Variants in MARK3 observed in about 807,000 individuals in gnomAD.
MARK3 encodes the protein microtubule affinity regulating kinase 3, also known as MAP/microtubule affinity-regulating kinase 3.
MARK3 carries 46 observed loss-of-function variants against 90.1 expected under a neutral mutation model. The ratio of observed to expected loss-of-function variants is 0.51; its 90% CI spans 0.40 to 0.65. MARK3 has a LOEUF of 0.65. Ranked by LOEUF, MARK3 falls within the 30% of genes least tolerant of loss-of-function variation. The pLI is 0.00. For missense variants in MARK3, 818 were observed against 947.2 expected (o/e 0.86, Z 1.79); for synonymous variants, 321 against 332.6 (o/e 0.97, Z 0.38).
At chr14:103,391,909 T>C (rs2090278261) in intron 1 of MARK3, among the ~76,000 whole-genome samples, 1 of 152,094 alleles carries the variant, frequency 6.6e-6, no homozygotes, top group Non-Finnish European at 1.5e-5. Flanking sequence ...GTTTATGTTC[T>C]ATAGTTATAT....
chr14:103,386,388 C>A (rs3825566), intron 1 of MARK3: 1 of 662,084 alleles, frequency 1.5e-6, no homozygotes, highest in Non-Finnish European at 2.8e-6. Context: ...ATTGTGCAAA[C>A]GTGTGTGTCA....
intron 13 of MARK3, among the ~76,000 whole-genome samples, chr14:103,477,789 C>A (rs973936928): frequency 2.6e-5 from 4 of 151,914 alleles, no homozygotes; most frequent in African/African-American, 9.7e-5. Flanking sequence ...AGTCTGAGAT[C>A]AGCCTGGGCA....
At chr14:103,399,624 G>A (rs148435834) in intron 1 of MARK3, among the ~76,000 whole-genome samples, 107 of 151,306 alleles carry the variant, frequency 7.1e-4, no homozygotes, top group African/African-American at 2.6e-3. Flanking sequence ...GCGTGAACCC[G>A]GGAGGCGGAG....
chr14:103,418,784 A>G (rs2092072653), intron 2 of MARK3, among the ~76,000 whole-genome samples: 1 of 152,064 alleles, frequency 6.6e-6, no homozygotes, highest in East Asian at 1.9e-4. Context: ...TCTGAATACC[A>G]TTTTTGTTTT....
At chr14:103,394,397 G>T (rs2090451649) in intron 1 of MARK3, among the ~76,000 whole-genome samples, 1 of 152,124 alleles carries the variant, frequency 6.6e-6, no homozygotes, top group African/African-American at 2.4e-5. Flanking sequence ...AGAACAATTG[G>T]AAGGGCAGAA....
At position 103,478,548 on chromosome 14, in the gene MARK3, C is replaced by CT. The variant is rs755656185; in HGVS notation, c.1483-1826dup. 5.9e-3 allele frequency among the ~76,000 whole-genome samples: 856 copies of CT among 144,846 alleles called. 5 individuals are homozygous for CT. The highest frequency in any genetic ancestry group is 0.011 in the African/African-American group (429 of 39,780). ...ATTTGTAGCATGTATTTTCTTTTCC[C>CT]TTTTTTTTTTTTTGAGATGGCATTT... On this transcript the variant is annotated intron_variant, in intron 13 of 17. Coordinates refer to ENST00000429436, the MANE Select transcript of MARK3 (RefSeq NM_001128918.3).
At chr14:103,400,766 G>C (rs1232843328) in intron 1 of MARK3, among the ~76,000 whole-genome samples, 3 of 151,722 alleles carry the variant, frequency 2.0e-5, no homozygotes, top group Admixed American at 6.6e-5. Context: ...TGTGGTGTAC[G>C]CACCTGTAGT....
Position 103,405,062 on chromosome 14 carries a change from A to G in MARK3, c.52-14A>G. 1 of 1,606,506 alleles carries G rather than the reference A, an allele frequency of 6.2e-7. No individual in the cohort carries two copies. The highest frequency in any genetic ancestry group is 1.3e-5 in the African/African-American group (1 of 74,612). On this transcript the variant is annotated splice_polypyrimidine_tract_variant and intron_variant, in intron 1 of 17. Transcript: ENST00000429436. ...TTCTCTCATTTCCTTATCTTTGTGT[A>G]TGCTGTATTGCAGCACACGTCACAT...
chr14:103,443,499 A>G (rs1160523991), intron 3 of MARK3, among the ~76,000 whole-genome samples: 1 of 152,214 alleles, frequency 6.6e-6, no homozygotes, highest in African/African-American at 2.4e-5. Flanking sequence ...AAGATTCACT[A>G]AATGATGGTA....
intron 2 of MARK3, among the ~76,000 whole-genome samples, chr14:103,406,749 T>G (rs896268201): frequency 1.3e-5 from 2 of 149,182 alleles, no homozygotes; most frequent in African/African-American, 5.0e-5. Flanking sequence ...ATTATAGGCA[T>G]GAGCCACCAC....
intron 13 of MARK3, 51 bp from the exon 14 acceptor site, chr14:103,480,336 T>G (rs767081422): frequency 8.4e-6 from 9 of 1,072,100 alleles, no homozygotes; most frequent in Admixed American, 2.1e-5. Flanking sequence ...TTTTTTCTCA[T>G]TGTACTGTAT....
chr14:103,480,661 C>A (rs61651942), intron 14 of MARK3, among the ~76,000 whole-genome samples, 171 bp downstream of exon 14: 7,162 of 152,202 alleles, frequency 0.047, 594 homozygotes, highest in African/African-American at 0.17. Context: ...ATTCTAAATT[C>A]TTTTTGTTGT....
chr14:103,400,701 G>C (rs992859672), intron 1 of MARK3, among the ~76,000 whole-genome samples: 2 of 151,992 alleles, frequency 1.3e-5, no homozygotes, highest in African/African-American at 4.8e-5. Context: ...TTTGAGATCA[G>C]CCTGGGCAAC....
intron 1 of MARK3, among the ~76,000 whole-genome samples, chr14:103,391,711 T>C (rs1397441221): frequency 9.6e-5 from 4 of 41,536 alleles, no homozygotes; most frequent in Non-Finnish European, 3.5e-4. Flanking sequence ...GCCTGGCTAT[T>C]TTTTTTTTTT....
At chr14:103,441,274 C>CTTTTTTGT (rs895958669) in intron 3 of MARK3, among the ~76,000 whole-genome samples, 1 of 151,622 alleles carries the variant, frequency 6.6e-6, no homozygotes, top group East Asian at 1.9e-4. Context: ...CTTTTTATGT[C>CTTTTTTGT]TTTTTTGTTT....
chr14:103,452,713 C>T (rs1186769051), intron 5 of MARK3, among the ~76,000 whole-genome samples: 9 of 151,900 alleles, frequency 5.9e-5, no homozygotes, highest in Admixed American at 3.9e-4. Context: ...CCTCGTGATC[C>T]GCCCGCCTCG....
At chr14:103,471,518 CTCATCTTTCT>C (rs2093624797) in intron 12 of MARK3, among the ~76,000 whole-genome samples, 1 of 152,098 alleles carries the variant, frequency 6.6e-6, no homozygotes, top group Admixed American at 6.6e-5. Context: ...TTTCATAATC[CTCATCTTTCT>C]TGGAATTTCT....
intron 17 of MARK3, among the ~76,000 whole-genome samples, chr14:103,501,013 T>C (rs946438988): frequency 6.6e-6 from 1 of 152,168 alleles, no homozygotes; most frequent in Non-Finnish European, 1.5e-5. Context: ...TTGTTCTAGG[T>C]CTCTTCCACT....
chr14:103,412,462 C>T (rs553944786), intron 2 of MARK3: 9 of 537,786 alleles, frequency 1.7e-5, no homozygotes, highest in South Asian at 1.6e-4. Flanking sequence ...ACTTCTTGGC[C>T]AGCTTCTTGA....
Sources: allele counts gnomAD v4.1 joint callset (sites outside exome capture counted in the v4.1 genomes callset), GRCh38; gene constraint gnomAD v4.1.1; transcripts MANE v1.5; gene names NCBI Gene and HGNC (gene_info 2026-07-23, HGNC 2026-07-21).